Variants in SLC44A2 observed in about 807,000 individuals in gnomAD.
SLC44A2 encodes the protein solute carrier family 44 member 2 (CTL2 blood group).
Under a neutral mutation model 90.8 loss-of-function variants are expected in SLC44A2, and 57 were observed. The ratio of observed to expected loss-of-function variants is 0.63; its 90% CI spans 0.51 to 0.78. SLC44A2 has a LOEUF of 0.78. Ranked by LOEUF, SLC44A2 falls within the 30% of genes least tolerant of loss-of-function variation. The pLI is 0.00. For synonymous variants in SLC44A2, 355 were observed against 360.7 expected, an observed-to-expected ratio of 0.98 and a Z score of 0.18; for missense variants, 794 against 919.7, an observed-to-expected ratio of 0.86 and a Z score of 1.77.
chr19:10,635,255 T>C lies in SLC44A2; in HGVS notation c.1148T>C (p.Val383Ala). 6.2e-7 allele frequency: 1 copy of C among 1,614,010 alleles called. No homozygotes were observed. Among genetic ancestry groups the C allele is most frequent in the Non-Finnish European group, 8.5e-7 (1 of 1,180,008 alleles). Residue 383 changes from valine to alanine, a missense_variant and splice_region_variant, in exon 13 of 22, where the codon GTC becomes GCC. Physicochemically the swap from Val to Ala is moderately conservative, Grantham distance 64. Coordinates refer to ENST00000335757, the MANE Select transcript of SLC44A2 (RefSeq NM_020428.4). ...ATCGCCTACTGGGCCAGCACTGCTGTGTATCTGCCCCCAGACACTGATCTC... is the reference window on the plus strand; with the variant it reads ...ATCGCCTACTGGGCCAGCACTGCTGCGTATCTGCCCCCAGACACTGATCTC... ...LCIAYWASTA[V>A]FLSTSNEAVY...
At chr19:10,640,293 G>A (rs954927162) in intron 20 of SLC44A2, among the ~76,000 whole-genome samples, 4 of 152,064 alleles carry the variant, frequency 2.6e-5, no homozygotes, top group African/African-American at 9.7e-5. Context: ...GTTTCACCCT[G>A]TTGGTCAGGC....
Position 10,631,299 on chromosome 19 carries a change from C to A in SLC44A2, c.355C>A (p.Arg119Ser). Residue 119 changes from arginine to serine, a missense_variant, in exon 6 of 22, where the codon CGC becomes AGC. By Grantham distance (110) the Arg-to-Ser change is moderately radical. Transcript: ENST00000335757. The part of the protein sequence containing the change: ...PQICVEKCPD[R>S]YLTYLNARSS... ...GATCTGCGTGGAAAAATGCCCCGAC[C>A]GCTACCTCACGTACCTGAATGCTCG... 1 of 1,614,154 alleles carries A rather than the reference C, an allele frequency of 6.2e-7. No individual in the cohort carries two copies. Among genetic ancestry groups the A allele is most frequent in the Non-Finnish European group, 8.5e-7 (1 of 1,180,038 alleles).
At chr19:10,639,233 C>A (rs1379738491) in intron 20 of SLC44A2, among the ~76,000 whole-genome samples, 1 of 152,222 alleles carries the variant, frequency 6.6e-6, no homozygotes. Context: ...CACGCCCGAC[C>A]TCAGACCACA....
chr19:10,608,085 T>C (rs1037394400), intron 1 of SLC44A2, among the ~76,000 whole-genome samples: 2 of 151,782 alleles, frequency 1.3e-5, no homozygotes, highest in African/African-American at 2.4e-5. Context: ...TAGCTGGGCA[T>C]GGTGGCATGC....
At chr19:10,642,543 C>A in intron 21 of SLC44A2, 92 bp downstream of exon 21, 1 of 1,220,330 alleles carries the variant, frequency 8.2e-7, no homozygotes, top group Non-Finnish European at 1.2e-6. Flanking sequence ...AACACGCTTG[C>A]CTGCCCCCAG....
rs1918212189 is a variant in SLC44A2, at chr19:10,609,260, C to G, written c.31+6699C>G. The stretch of plus-strand genomic sequence containing the variant: ...CGTGAGCAACCATGCCCGGCCCAGC[C>G]TACATTTTAAATTGAAGTATAATTT... On this transcript the variant is annotated intron_variant, in intron 1 of 21. Coordinates refer to the SLC44A2 transcript ENST00000407327. Among the ~76,000 whole-genome samples the G allele has an allele frequency of 2.0e-5, 3 of 151,422 alleles. 1 individual carries two copies. Among genetic ancestry groups the G allele is most frequent in the Admixed American group, 2.0e-4 (3 of 15,144 alleles).
chr19:10,626,923 T>C (rs2066940199), intron 2 of SLC44A2, among the ~76,000 whole-genome samples: 1 of 151,328 alleles, frequency 6.6e-6, no homozygotes, highest in East Asian at 2.0e-4. Context: ...GGCAGGAGAA[T>C]TGCTTGAATC....
chr19:10,605,515 GAAATAAAT>G lies in SLC44A2; in HGVS notation c.31+2969_31+2976del, dbSNP rs377003052. On this transcript the variant is annotated intron_variant, in intron 1 of 21. Coordinates refer to the SLC44A2 transcript ENST00000407327. ...GGCAAAAAGAGTGAAATTCAGTCTC[GAAATAAAT>G]AAATAAATAAATAATAAAAATACAA... Among the ~76,000 whole-genome samples, 17 of 150,724 alleles carry G rather than the reference GAAATAAAT, an allele frequency of 1.1e-4. No homozygotes were observed. The East Asian group carries it at 2.2e-3, about 19-fold the overall frequency.
intron 1 of SLC44A2, 67 bp from the exon 2 acceptor site, chr19:10,626,186 G>A: frequency 1.5e-6 from 2 of 1,305,848 alleles, no homozygotes; most frequent in Non-Finnish European, 1.1e-6. Context: ...TTTTGGGAGG[G>A]GGCTCTCCCA....
chr19:10,610,968 G>T (rs1217132114), intron 1 of SLC44A2, among the ~76,000 whole-genome samples: 1 of 151,368 alleles, frequency 6.6e-6, no homozygotes, highest in South Asian at 2.1e-4. Flanking sequence ...TTTCCCAATC[G>T]ATCCCCAAGG....
chr19:10,634,748 C>T lies in SLC44A2; in HGVS notation c.824-8C>T, dbSNP rs948387918. 6.8e-6 allele frequency: 11 copies of T among 1,614,014 alleles called. No homozygotes were observed. The highest frequency in any genetic ancestry group is 9.3e-6 in the Non-Finnish European group (11 of 1,180,034). On this transcript the variant is annotated splice_polypyrimidine_tract_variant and splice_region_variant and intron_variant, in intron 10 of 21. Transcript: ENST00000335757. ...CTGCTGGACTGAGCTTGTGGTTCCC[C>T]CATGCAGGAATATTTCACTGCTACA...
chr19:10,637,322 A>G (rs371403124), intron 16 of SLC44A2, among the ~76,000 whole-genome samples: 31 of 152,302 alleles, frequency 2.0e-4, no homozygotes, highest in African/African-American at 7.5e-4. Context: ...ACTGCACTCC[A>G]GCCTGGGCAA....
intron 2 of SLC44A2, among the ~76,000 whole-genome samples, chr19:10,627,480 G>T (rs1460568568): frequency 6.6e-6 from 1 of 152,154 alleles, no homozygotes; most frequent in Non-Finnish European, 1.5e-5. Flanking sequence ...GTTCGAGGCT[G>T]TAGTGAGCTA....
At chr19:10,629,170 C>T in intron 4 of SLC44A2, among the ~76,000 whole-genome samples, 1 of 148,282 alleles carries the variant, frequency 6.7e-6, no homozygotes, top group South Asian at 2.1e-4. Context: ...TGCCACTGCA[C>T]TCCAGCCTAG....
At position 10,643,423 on chromosome 19, in the gene SLC44A2, C is replaced by A; in HGVS notation, c.*38C>A. ...CCCCACCTCTCAAGGAGTCTCATGC[C>A]GCAGGGTGCTCAGTAGCTGGGTCTG... On this transcript the variant is annotated 3_prime_UTR_variant, in exon 22 of 22. Coordinates refer to ENST00000335757, the MANE Select transcript of SLC44A2 (RefSeq NM_020428.4). 1 of 1,582,554 alleles carries A rather than the reference C, an allele frequency of 6.3e-7. No individual in the cohort carries two copies. Among genetic ancestry groups the A allele is most frequent in the African/African-American group, 1.3e-5 (1 of 74,158 alleles).
rs61127297 is a variant in SLC44A2, at chr19:10,602,711, C to G, written c.31+150C>G. On this transcript the variant is annotated intron_variant, in intron 1 of 21. Coordinates refer to the SLC44A2 transcript ENST00000407327. ...CCCGCATCCGACACTGCGCGGATCC[C>G]ACGCCCCCTGCTCTAACCGGGTCGC... 5,038 of 699,796 alleles carry G rather than the reference C, an allele frequency of 7.2e-3. 179 individuals are homozygous for G. In the East Asian group the frequency reaches 0.095, roughly 13 times the overall value. 43.3% of individuals were successfully genotyped at this position (699,796 alleles called of 1,614,324 possible).
chr19:10,602,657 G>A, intron 1 of SLC44A2: 2 of 1,133,722 alleles, frequency 1.8e-6, no homozygotes, highest in Non-Finnish European at 2.2e-6. Context: ...CACCGGCGCT[G>A]CGGCTGGATG....
Position 10,642,368 on chromosome 19 carries a change from CG to C in SLC44A2, c.1933del (p.Val645Ter), listed in dbSNP as rs1568456953. 6.2e-7 allele frequency: 1 copy of C among 1,614,012 alleles called. No individual in the cohort carries two copies. Among genetic ancestry groups the C allele is most frequent in the Non-Finnish European group, 8.5e-7 (1 of 1,179,956 alleles). Reference sequence around the variant, plus strand: ...GACAGCTCGTTTCTCCTTGCCCAGACGGTGATCGTTGGCTCCTACTTGATTG... The same window carrying C: ...GACAGCTCGTTTCTCCTTGCCCAGACGTGATCGTTGGCTCCTACTTGATTG... ...PLNYYWVPIL[T>X]VIVGSYLIAH... On this transcript the variant is annotated frameshift_variant and splice_region_variant, in exon 21 of 22. Transcript: ENST00000335757. LOFTEE classifies it high-confidence loss of function.
In SLC44A2 at chr19:10,636,716, C is replaced by T. The variant is rs749235052; in HGVS notation, c.1551C>T (p.Ile517=). The T allele has an allele frequency of 1.9e-6, 3 of 1,613,856 alleles. No individual in the cohort carries two copies. The highest frequency in any genetic ancestry group is 1.3e-5 in the African/African-American group (1 of 74,908). Residue 517 remains isoleucine (I), a synonymous_variant, in exon 16 of 22, where the codon ATC becomes ATT. Coordinates refer to ENST00000335757, the MANE Select transcript of SLC44A2 (RefSeq NM_020428.4). ...FGALILAIVQ[I]IRVILEYLDQ... ...CGCTCATCCTGGCCATTGTGCAGAT[C>T]ATCCGTGTGATACTCGAGTACCTGG...
Sources: allele counts gnomAD v4.1 joint callset (sites outside exome capture counted in the v4.1 genomes callset), GRCh38; gene constraint gnomAD v4.1.1; transcripts MANE v1.5; gene names NCBI Gene and HGNC (gene_info 2026-07-23, HGNC 2026-07-21).